The following CYLC1 variants were observed in gnomAD, a reference collection of about 807,000 sequenced individuals.
The protein encoded by CYLC1 is cylicin-1.
Under a neutral mutation model 31.6 loss-of-function variants are expected in CYLC1, and 2 were observed. The observed-to-expected ratio is 0.06, with a 90% CI of 0.03 to 0.20. The LOEUF is 0.20. Among genes scored for constraint, CYLC1 ranks in the 10% least tolerant of loss-of-function variants. The pLI, the probability that CYLC1 is intolerant of heterozygous loss-of-function variation, is 1.00. For missense variants in CYLC1, 595 were observed against 424.1 expected (o/e 1.40, Z -3.54); for synonymous variants, 185 against 153.0 (o/e 1.21, Z -1.54).
At position 83,874,180 on chromosome X, in the gene CYLC1, A is replaced by C; in HGVS notation, c.1472A>C (p.Glu491Ala). ...AESTEMESDL[E>A]LKKDKKHSKE... ...TCTACTGAAATGGAATCTGATTTGG[A>C]GTTAAAGAAGGACAAGAAACACTCA... The change falls in exon 4 of 5, where the codon GAG (glutamate) becomes GCG (alanine). Residue 491 changes from glutamate (E) to alanine (A), a missense_variant. Glu to Ala is a moderately radical substitution (Grantham distance 107). Coordinates refer to ENST00000329312, the MANE Select transcript of CYLC1 (RefSeq NM_021118.3). 5.0e-6 allele frequency: 6 copies of C among 1,204,477 alleles called. No individual in the cohort carries two copies. The highest frequency in any genetic ancestry group is 6.7e-6 in the Non-Finnish European group (6 of 891,646).
At chrX:83,876,666 C>G (rs1302315174) in intron 4 of CYLC1, among the ~76,000 whole-genome samples, 1 of 110,300 alleles carries the variant, frequency 9.1e-6, no homozygotes, top group African/African-American at 3.3e-5. Context: ...TTCCTCCCTC[C>G]TCATCTTATT....
chrX:83,885,917 G>A (rs1276757756), intron 4 of CYLC1, among the ~76,000 whole-genome samples: 1 of 109,873 alleles, frequency 9.1e-6, no homozygotes, highest in Non-Finnish European at 1.9e-5. Flanking sequence ...ATCTGAAACA[G>A]ATTAGTATGC....
At position 83,871,005 on chromosome X, in the gene CYLC1, G is replaced by A. The variant is rs1477931418; in HGVS notation, c.59-447G>A. ...GATGTAATCAATCAAGACTTTTACT[G>A]ACTGTTGTCAACACCGTGCTAGTTA... is the stretch of plus-strand genomic sequence containing the variant. On this transcript the variant is annotated intron_variant, in intron 2 of 4. Transcript: ENST00000329312. 4.5e-5 allele frequency among the ~76,000 whole-genome samples: 5 copies of A among 110,157 alleles called. No individual in the cohort carries two copies. In the East Asian group the frequency reaches 1.4e-3, roughly 31 times the overall value.
At chrX:83,869,766 G>GT (rs972901371) in intron 1 of CYLC1, 99 bp from the exon 2 acceptor site, 5 of 403,157 alleles carry the variant, frequency 1.2e-5, no homozygotes, top group African/African-American at 7.9e-5. Flanking sequence ...ATTGGGCTTT[G>GT]TTTTTTTAGA....
chrX:83,885,819 A>T (rs184465669), intron 4 of CYLC1, among the ~76,000 whole-genome samples: 1 of 110,257 alleles, frequency 9.1e-6, no homozygotes, highest in Non-Finnish European at 1.9e-5. Context: ...TTTGGTATAA[A>T]TGTATAATAT....
chrX:83,876,821 A>C (rs180700008), intron 4 of CYLC1, among the ~76,000 whole-genome samples: 2 of 111,038 alleles, frequency 1.8e-5, no homozygotes, highest in African/African-American at 6.5e-5. Flanking sequence ...CCTCATTATT[A>C]AAAATTGGAA....
At chrX:83,885,682 T>A (rs2031971503) in intron 4 of CYLC1, among the ~76,000 whole-genome samples, 1 of 108,893 alleles carries the variant, frequency 9.2e-6, no homozygotes, top group African/African-American at 3.3e-5. Context: ...TCATAAATGA[T>A]AAAATAATAT....
At chrX:83,869,036 G>A (rs886524963) in intron 1 of CYLC1, among the ~76,000 whole-genome samples, 2 of 109,731 alleles carry the variant, frequency 1.8e-5, no homozygotes, top group Non-Finnish European at 3.8e-5. Flanking sequence ...TTCTATTTGT[G>A]TATTTTTTAA....
At chrX:83,879,208 G>A (rs377499483) in intron 4 of CYLC1, among the ~76,000 whole-genome samples, 1 of 109,817 alleles carries the variant, frequency 9.1e-6, no homozygotes. Context: ...TATAAAATAC[G>A]TAAAGAAAAG....
intron 4 of CYLC1, among the ~76,000 whole-genome samples, chrX:83,877,926 A>ATG (rs1491106770): frequency 3.5e-5 from 2 of 56,898 alleles, no homozygotes; most frequent in Admixed American, 3.0e-4. Context: ...ATATATATAT[A>ATG]AATATAAATA....
At chrX:83,874,685 T>C (rs1204548902) in intron 4 of CYLC1, 54 bp downstream of exon 4, 1 of 1,064,840 alleles carries the variant, frequency 9.4e-7, no homozygotes, top group East Asian at 3.1e-5. Flanking sequence ...AATGAAAGAC[T>C]TTTTAAAGTT....
intron 4 of CYLC1, among the ~76,000 whole-genome samples, chrX:83,881,220 C>T (rs188223803): frequency 9.5e-4 from 105 of 110,742 alleles, no homozygotes; most frequent in Non-Finnish European, 1.5e-3. Context: ...TCAGTCAAAA[C>T]GCAAATTGAA....
chrX:83,871,441 T>A lies in CYLC1; in HGVS notation c.59-11T>A, dbSNP rs764870173. The A allele has an allele frequency of 8.5e-7, 1 of 1,170,529 alleles. No homozygotes were observed. The highest frequency in any genetic ancestry group is 3.0e-5 in the East Asian group (1 of 33,285). ...TTAACTCCAAATTGTTTATTATCCT[T>A]TCTCATTTAGTCAGTGAATCAAGCA... On this transcript the variant is annotated splice_polypyrimidine_tract_variant and intron_variant, in intron 2 of 4. Transcript: ENST00000329312.
intron 4 of CYLC1, among the ~76,000 whole-genome samples, chrX:83,875,215 T>C (rs2031741945): frequency 9.0e-6 from 1 of 111,639 alleles, no homozygotes; most frequent in African/African-American, 3.2e-5. Context: ...CTCTAATTTA[T>C]AAACCTCATG....
intron 4 of CYLC1, among the ~76,000 whole-genome samples, chrX:83,877,909 AATAT>A (rs1180924227): frequency 9.5e-5 from 2 of 21,009 alleles, no homozygotes; most frequent in African/African-American, 1.9e-4. Flanking sequence ...AATATATATA[AATAT>A]ATATATATAT....
chrX:83,863,884 A>G (rs771510475), intron 1 of CYLC1, among the ~76,000 whole-genome samples: 68 of 111,612 alleles, frequency 6.1e-4, no homozygotes, highest in African/African-American at 2.1e-3. Context: ...ACAATTCTGG[A>G]GACTACGAGT....
At chrX:83,870,761 T>A (rs1327874898) in intron 2 of CYLC1, among the ~76,000 whole-genome samples, 1 of 111,219 alleles carries the variant, frequency 9.0e-6, no homozygotes, top group Non-Finnish European at 1.9e-5. Context: ...AGTCTCTCCA[T>A]CTCCAAGAGA....
At chrX:83,878,949 C>T (rs1369165776) in intron 4 of CYLC1, among the ~76,000 whole-genome samples, 2 of 107,043 alleles carry the variant, frequency 1.9e-5, no homozygotes, top group African/African-American at 3.4e-5. Context: ...CACATAAGCA[C>T]GTAAGAACCA....
rs2031503983 is a variant in CYLC1, at chrX:83,861,187, C to G, written c.5C>G (p.Ser2Cys). ...GGCAACGTACAGGCAGGGGAAATGTCTCTTCCAAGGTTGTAAGTCCTCTTT... is the reference window on the plus strand; with the variant it reads ...GGCAACGTACAGGCAGGGGAAATGTGTCTTCCAAGGTTGTAAGTCCTCTTT... Reference protein sequence around the residue: MSLPRLLKVNIR... With the variant: MCLPRLLKVNIR... Residue 2 changes from serine to cysteine, a missense_variant, in exon 1 of 5, where the codon TCT (serine) becomes TGT (cysteine). Ser to Cys is a moderately radical substitution (Grantham distance 112). Transcript: ENST00000329312. 1 of 1,199,004 alleles carries G rather than the reference C, an allele frequency of 8.3e-7. No homozygotes were observed. The highest frequency in any genetic ancestry group is 1.8e-5 in the African/African-American group (1 of 57,040).
Sources: allele counts gnomAD v4.1 joint callset (sites outside exome capture counted in the v4.1 genomes callset), GRCh38; gene constraint gnomAD v4.1.1; transcripts MANE v1.5; gene names NCBI Gene and HGNC (gene_info 2026-07-23, HGNC 2026-07-21).